The following ACOT11 variants were observed in gnomAD, a reference collection of about 807,000 sequenced individuals.
ACOT11 encodes acyl-CoA thioesterase 11.
In ACOT11, 69 loss-of-function variants were observed where a neutral mutation model predicts 77.5. That is an observed-to-expected ratio of 0.89 (90% CI 0.73 to 1.09). ACOT11 has a LOEUF of 1.09. Among genes scored for constraint, ACOT11 ranks in the 50% least tolerant of loss-of-function variants. The pLI, the probability that ACOT11 is intolerant of heterozygous loss-of-function variation, is 0.00. For missense variants in ACOT11, 766 were observed against 813.7 expected (o/e 0.94, Z 0.71); for synonymous variants, 279 against 313.0 (o/e 0.89, Z 1.15).
At chr1:54,573,569 C>G (rs1230258132) in intron 1 of ACOT11, among the ~76,000 whole-genome samples, 1 of 152,096 alleles carries the variant, frequency 6.6e-6, no homozygotes, top group African/African-American at 2.4e-5. Context: ...CCCATCTCTA[C>G]TAAAAATACA....
At chr1:54,568,359 T>TC (rs1491443554) in intron 1 of ACOT11, among the ~76,000 whole-genome samples, 2 of 34,234 alleles carry the variant, frequency 5.8e-5, no homozygotes, top group East Asian at 8.0e-4. Flanking sequence ...TCCCAGCACC[T>TC]TTTTTTTTTT....
chr1:54,573,259 T>C (rs1653985784), intron 1 of ACOT11: 1 of 985,280 alleles, frequency 1.0e-6, no homozygotes, highest in Middle Eastern at 5.2e-4. Flanking sequence ...GTCTTAGCTT[T>C]TGCGGTAAGC....
intron 13 of ACOT11, among the ~76,000 whole-genome samples, chr1:54,606,032 C>A (rs1251494864): frequency 6.6e-6 from 1 of 152,180 alleles, no homozygotes; most frequent in African/African-American, 2.4e-5. Flanking sequence ...TTTTGACAAA[C>A]TGGCTTTCCC....
At chr1:54,570,477 C>G (rs1227913771) in intron 1 of ACOT11, among the ~76,000 whole-genome samples, 2 of 152,212 alleles carry the variant, frequency 1.3e-5, no homozygotes, top group East Asian at 3.8e-4. Context: ...TTAGGCCCTT[C>G]CTCACTAGAA....
intron 15 of ACOT11, chr1:54,623,433 G>T (rs199948329): frequency 1.3e-6 from 2 of 1,514,904 alleles, no homozygotes; most frequent in South Asian, 1.1e-5. Context: ...ACTCCGTGCG[G>T]CCCAGAGTCC....
chr1:54,552,116 T>C (rs1653093118), intron 1 of ACOT11, among the ~76,000 whole-genome samples: 1 of 152,148 alleles, frequency 6.6e-6, no homozygotes, highest in Admixed American at 6.5e-5. Context: ...CTCTAGGCCT[T>C]AGGGTGCTGG....
At chr1:54,582,730 C>T (rs559927515) in intron 1 of ACOT11, among the ~76,000 whole-genome samples, 16 of 152,244 alleles carry the variant, frequency 1.1e-4, no homozygotes, top group African/African-American at 2.9e-4. Flanking sequence ...AAGTGGCGGA[C>T]GTGCCCAGGC....
chr1:54,593,810 C>T (rs1249569840), intron 4 of ACOT11, 131 bp from the exon 5 acceptor site: 1 of 744,436 alleles, frequency 1.3e-6, no homozygotes, highest in Admixed American at 2.5e-5. Context: ...GCCTCCCAGA[C>T]CTGGTAGGTG....
At chr1:54,561,060 C>T (rs1321626020) in intron 1 of ACOT11, among the ~76,000 whole-genome samples, 4 of 151,152 alleles carry the variant, frequency 2.6e-5, no homozygotes, top group Non-Finnish European at 5.9e-5. Context: ...GCCATCGTGC[C>T]CAGCTGCTTG....
At chr1:54,565,959 C>T (rs2100954585) in intron 1 of ACOT11, among the ~76,000 whole-genome samples, 1 of 152,308 alleles carries the variant, frequency 6.6e-6, no homozygotes, top group East Asian at 1.9e-4. Context: ...CTGGACTCCT[C>T]TCTTCCCCCT....
chr1:54,624,298 G>T (rs939272749), intron 15 of ACOT11, among the ~76,000 whole-genome samples: 1 of 152,010 alleles, frequency 6.6e-6, no homozygotes, highest in Non-Finnish European at 1.5e-5. Context: ...GGCAGTTGGT[G>T]GCTTTGATTG....
At chr1:54,624,260 C>CT (rs1644257991) in intron 15 of ACOT11, among the ~76,000 whole-genome samples, 1 of 151,970 alleles carries the variant, frequency 6.6e-6, no homozygotes, top group Non-Finnish European at 1.5e-5. Context: ...GAATGTGAGG[C>CT]TGTGATAGGC....
chr1:54,582,436 G>A (rs1654343331), intron 1 of ACOT11: 14 of 985,336 alleles, frequency 1.4e-5, no homozygotes, highest in African/African-American at 3.5e-5. Context: ...TTTGCCCAGG[G>A]CCCCGTACAG....
chr1:54,618,877 A>G (rs1212516637), intron 15 of ACOT11, among the ~76,000 whole-genome samples: 1 of 152,208 alleles, frequency 6.6e-6, no homozygotes, highest in African/African-American at 2.4e-5. Flanking sequence ...TACAAGAATT[A>G]AATAATAAAA....
At chr1:54,614,719 T>C (rs1644152885), downstream of ACOT11, 1 of 1,613,730 alleles carries the variant, frequency 6.2e-7, no homozygotes, top group South Asian at 1.1e-5. Flanking sequence ...TTGACCTCAG[T>C]TGAGATGAGC....
Position 54,597,107 on chromosome 1 carries a change from C to T in ACOT11, c.608-152C>T. On this transcript the variant is annotated intron_variant, in intron 6 of 15. Coordinates refer to ENST00000343744, the MANE Select transcript of ACOT11 (RefSeq NM_147161.4). ...CAGGCTCATCCCTCTCATCCAGGGC[C>T]ACCCTCTGCCTCATGTGCACTCTGT... 3 of 946,494 alleles carry T rather than the reference C, an allele frequency of 3.2e-6. No individual in the cohort carries two copies. The South Asian group carries it at 4.8e-5, about 15-fold the overall frequency. The allele number at this position is 946,494 out of a possible 1,614,324, so 58.6% of individuals were successfully genotyped here.
At chr1:54,601,709 A>T (rs913047172) in intron 9 of ACOT11, among the ~76,000 whole-genome samples, 1 of 152,112 alleles carries the variant, frequency 6.6e-6, no homozygotes, top group Non-Finnish European at 1.5e-5. Context: ...TTGGAGTCAG[A>T]TGTGGGTTGG....
chr1:54,584,573 A>C lies in ACOT11; in HGVS notation c.34-82A>C. ...AGGTACTCTCTCTCCCCCAGACCCT[A>C]AGTTCTCAGGGCTGGACAGACCTGG... On this transcript the variant is annotated intron_variant, in intron 1 of 15. Coordinates refer to ENST00000343744, the MANE Select transcript of ACOT11 (RefSeq NM_147161.4). The surrounding 1 kb of genome is among the most constrained non-coding windows in gnomAD (Gnocchi z 6.3). 1 of 1,350,856 alleles carries C rather than the reference A, an allele frequency of 7.4e-7. No individual in the cohort carries two copies. The highest frequency in any genetic ancestry group is 1.0e-6 in the Non-Finnish European group (1 of 977,412). 83.7% of individuals were successfully genotyped at this position (1,350,856 alleles called of 1,614,324 possible).
At chr1:54,615,181 C>T (rs1644159919), downstream of ACOT11, among the ~76,000 whole-genome samples, 1 of 152,126 alleles carries the variant, frequency 6.6e-6, no homozygotes, top group South Asian at 2.1e-4. Flanking sequence ...CCTGTGGTTC[C>T]TGAGCAGGGC....
Sources: allele counts gnomAD v4.1 joint callset (sites outside exome capture counted in the v4.1 genomes callset), GRCh38; gene constraint gnomAD v4.1.1; non-coding constraint Gnocchi (gnomAD v3.1); transcripts MANE v1.5; gene names NCBI Gene and HGNC (gene_info 2026-07-23, HGNC 2026-07-21).